The following CYTH1 variants were observed in gnomAD, a reference collection of about 807,000 sequenced individuals.
CYTH1 encodes the protein cytohesin 1, also known as cytohesin-1.
CYTH1 carries 18 observed loss-of-function variants against 61.8 expected under a neutral mutation model. The ratio of observed to expected loss-of-function variants is 0.29; its 90% CI spans 0.20 to 0.43. The LOEUF (loss-of-function observed/expected upper bound fraction) is 0.43, where lower values mean the gene tolerates loss of function less well. CYTH1 is among the 20% of genes least tolerant of loss of function. CYTH1 has a pLI of 1.00. For synonymous variants in CYTH1, 174 were observed against 184.3 expected (o/e 0.94, Z 0.45); for missense variants, 336 against 510.5 (o/e 0.66, Z 3.29).
At chr17:78,701,171 ACAGG>A (rs1384130821) in intron 6 of CYTH1, among the ~76,000 whole-genome samples, 1 of 148,134 alleles carries the variant, frequency 6.8e-6, no homozygotes, top group Non-Finnish European at 1.5e-5. Flanking sequence ...CCCACAGCTG[ACAGG>A]TTTAATTGTG....
chr17:78,763,550 A>C (rs1184319268), intron 1 of CYTH1, among the ~76,000 whole-genome samples: 6 of 152,172 alleles, frequency 3.9e-5, no homozygotes, highest in Non-Finnish European at 8.8e-5. Flanking sequence ...CCTATGATAA[A>C]ATTTATAAAG....
chr17:78,734,564 C>T (rs573576943), intron 1 of CYTH1, among the ~76,000 whole-genome samples: 2 of 149,876 alleles, frequency 1.3e-5, no homozygotes, highest in African/African-American at 4.9e-5. Context: ...CCTCAGCCTC[C>T]AAGTAGCTGG....
At chr17:78,767,174 A>G (rs2093452095) in intron 1 of CYTH1, among the ~76,000 whole-genome samples, 1 of 152,164 alleles carries the variant, frequency 6.6e-6, no homozygotes, top group Admixed American at 6.5e-5. Flanking sequence ...GGTTTGCTCA[A>G]AAGTACGTCT....
At chr17:78,737,513 C>T (rs2093325397) in intron 1 of CYTH1, among the ~76,000 whole-genome samples, 2 of 151,772 alleles carry the variant, frequency 1.3e-5, no homozygotes, top group Admixed American at 1.3e-4. Flanking sequence ...GAGATAATAG[C>T]CCATTTCCCA....
In CYTH1 at chr17:78,674,929, C is replaced by G. The variant is rs1405731450; in HGVS notation, c.*1162G>C. ...TGCGAGAGGCAGCCCGGCCACCCCC[C>G]TCACTCCAGTGCACCCCACGGAGCA... On this transcript the variant is annotated 3_prime_UTR_variant, in exon 14 of 14. Coordinates refer to ENST00000446868, the MANE Select transcript of CYTH1 (RefSeq NM_004762.6). 2 of 153,810 alleles carry G rather than the reference C, an allele frequency of 1.3e-5. No homozygotes were observed. The highest frequency in any genetic ancestry group is 1.9e-4 in the East Asian group (1 of 5,228). 9.5% of individuals were successfully genotyped at this position (153,810 alleles called of 1,614,324 possible).
At chr17:78,752,132 TA>T (rs2093382718) in intron 1 of CYTH1, among the ~76,000 whole-genome samples, 2 of 152,218 alleles carry the variant, frequency 1.3e-5, no homozygotes, top group African/African-American at 4.8e-5. Flanking sequence ...ACATATTTCC[TA>T]GATGTTTGAA....
At chr17:78,768,286 T>C in intron 1 of CYTH1, among the ~76,000 whole-genome samples, 1 of 152,092 alleles carries the variant, frequency 6.6e-6, no homozygotes, top group East Asian at 1.9e-4. Flanking sequence ...CCTTCAGTGG[T>C]GGTATTCCAA....
chr17:78,731,831 G>A (rs2093296597), intron 1 of CYTH1, among the ~76,000 whole-genome samples: 1 of 151,254 alleles, frequency 6.6e-6, no homozygotes, highest in Non-Finnish European at 1.5e-5. Context: ...GAAAGGCAGA[G>A]ACAAGAACAC....
chr17:78,760,608 T>A (rs1337970943), intron 1 of CYTH1, among the ~76,000 whole-genome samples: 2 of 140,050 alleles, frequency 1.4e-5, no homozygotes, highest in Non-Finnish European at 3.0e-5. Context: ...TATATATAGT[T>A]TAAAAGAAAG....
At position 78,768,149 on chromosome 17, in the gene CYTH1, A is replaced by G. The variant is rs564158186; in HGVS notation, c.22+14053T>C. Among the ~76,000 whole-genome samples, 8 of 152,292 alleles carry G rather than the reference A, an allele frequency of 5.3e-5. No homozygotes were observed. The East Asian group carries it at 9.7e-4, about 18-fold the overall frequency. ...TCTTAATATCCCCCAGAAAAATACA[A>G]AAAGCTCTCCACTCTGCAACTTCCA... On this transcript the variant is annotated intron_variant, in intron 1 of 13. Transcript: ENST00000446868.
chr17:78,738,075 G>A (rs1455269635), intron 1 of CYTH1, among the ~76,000 whole-genome samples: 1 of 152,020 alleles, frequency 6.6e-6, no homozygotes. Context: ...CTCAATACAC[G>A]TGTGCACACG....
intron 1 of CYTH1, among the ~76,000 whole-genome samples, chr17:78,766,087 GAA>G (rs59673666): frequency 1.5e-5 from 1 of 65,698 alleles, no homozygotes; most frequent in African/African-American, 6.6e-5. Context: ...CATCTCTACA[GAA>G]AAAAAAAAAA....
At chr17:78,707,794 C>T (rs2093084264) in intron 3 of CYTH1, among the ~76,000 whole-genome samples, 1 of 151,932 alleles carries the variant, frequency 6.6e-6, no homozygotes, top group African/African-American at 2.4e-5. Flanking sequence ...AATTCTCCTG[C>T]CTCAGCCTCC....
intron 1 of CYTH1, among the ~76,000 whole-genome samples, chr17:78,732,363 G>A (rs2093299516): frequency 6.6e-6 from 1 of 152,178 alleles, no homozygotes. Context: ...CAAAGACTCA[G>A]ATAATGGATA....
At chr17:78,753,472 G>A (rs1315259877) in intron 1 of CYTH1, among the ~76,000 whole-genome samples, 1 of 151,584 alleles carries the variant, frequency 6.6e-6, no homozygotes, top group Non-Finnish European at 1.5e-5. Context: ...ACCAGCCTGA[G>A]CAACATGGTC....
chr17:78,706,279 T>C (rs2093064784), intron 3 of CYTH1, among the ~76,000 whole-genome samples: 1 of 152,094 alleles, frequency 6.6e-6, no homozygotes, highest in South Asian at 2.1e-4. Context: ...CTATGGCCCT[T>C]CCTAGTCAAC....
At chr17:78,779,133 G>A (rs2093505834) in intron 1 of CYTH1, among the ~76,000 whole-genome samples, 1 of 152,134 alleles carries the variant, frequency 6.6e-6, no homozygotes, top group Non-Finnish European at 1.5e-5. Context: ...AGGCGGGGTG[G>A]TTCATGCCTG....
intron 1 of CYTH1, among the ~76,000 whole-genome samples, chr17:78,737,639 T>C (rs1381474872): frequency 6.6e-6 from 1 of 150,778 alleles, no homozygotes; most frequent in African/African-American, 2.4e-5. Context: ...AAACTCCCAA[T>C]CTAAGTTCAG....
chr17:78,736,164 T>C (rs1488544707), intron 1 of CYTH1, among the ~76,000 whole-genome samples: 1 of 152,222 alleles, frequency 6.6e-6, no homozygotes, highest in Admixed American at 6.5e-5. Context: ...ATCTCACTGG[T>C]TCTTTCAATC....
Sources: allele counts gnomAD v4.1 joint callset (sites outside exome capture counted in the v4.1 genomes callset), GRCh38; gene constraint gnomAD v4.1.1; transcripts MANE v1.5; gene names NCBI Gene and HGNC (gene_info 2026-07-23, HGNC 2026-07-21).